Variants in MCM8 observed in about 807,000 individuals in gnomAD.
MCM8 encodes DNA helicase MCM8.
In MCM8, 85 loss-of-function variants were observed where a neutral mutation model predicts 98.9. That is an observed-to-expected ratio of 0.86 (90% CI 0.72 to 1.03). MCM8 has a LOEUF of 1.03. MCM8 is among the 50% of genes least tolerant of loss of function. The pLI, the probability that MCM8 is intolerant of heterozygous loss-of-function variation, is 0.00. For missense variants in MCM8, 951 were observed against 997.8 expected, an observed-to-expected ratio of 0.95 and a Z score of 0.63; for synonymous variants, 352 against 338.6, an observed-to-expected ratio of 1.04 and a Z score of -0.44.
intron 2 of MCM8, 86 bp downstream of exon 2, chr20:5,952,249 A>G (rs2088850754): frequency 2.5e-6 from 4 of 1,572,520 alleles, no homozygotes; most frequent in African/African-American, 2.7e-5. Context: ...CTCATACTTC[A>G]GTTTGTCTTT....
intron 9 of MCM8, 27 bp from the exon 10 acceptor site, chr20:5,967,803 A>AT (rs747989943): frequency 1.9e-6 from 3 of 1,551,900 alleles, no homozygotes; most frequent in Non-Finnish European, 2.6e-6. Flanking sequence ...AATACCAACT[A>AT]TTGTATTTAA....
In MCM8 at chr20:5,993,523, CTGA is replaced by C. The variant is rs766497708; in HGVS notation, c.2262_2264del (p.Asp754del). 13 of 1,574,242 alleles carry C rather than the reference CTGA, an allele frequency of 8.3e-6. No individual in the cohort carries two copies. The highest frequency in any genetic ancestry group is 8.6e-7 in the Non-Finnish European group (1 of 1,156,126). On this transcript the variant is annotated inframe_deletion, in exon 18 of 19. Transcript: ENST00000610722. ...TTTTTAAGCATGCTAGGAACTTACT[CTGA>C]TGAATTTGGGAACCTAGATTTTGAG...
chr20:5,987,292 G>C lies in MCM8; in HGVS notation c.2174G>C (p.Arg725Thr), dbSNP rs1382104031. 3.1e-6 allele frequency: 5 copies of C among 1,613,026 alleles called. No homozygotes were observed. The highest frequency in any genetic ancestry group is 1.3e-5 in the African/African-American group (1 of 74,830). ...TGTTTTCTTTTAAAGGCACGAGCAAGGTTGGAATTGAGAGAGGAAGCAACC... is the reference window on the plus strand; with the variant it reads ...TGTTTTCTTTTAAAGGCACGAGCAACGTTGGAATTGAGAGAGGAAGCAACC... The part of the protein sequence containing the change: ...SLIRLTEARA[R>T]LELREEATKE... Residue 725 changes from arginine to threonine, a missense_variant, in exon 17 of 19, where the codon AGG (arginine) becomes ACG (threonine). By Grantham distance (71) the Arg-to-Thr change is moderately conservative. Transcript: ENST00000610722.
chr20:5,983,039 A>G lies in MCM8; in HGVS notation c.1607A>G (p.Gln536Arg), dbSNP rs2122794853. ...CAAGCCTTGTTGGAAGCCATGGAGC[A>G]GCAAAGTATTAGTCTTGCTAAGGCT... Reference protein sequence around the residue: ...QHQALLEAMEQQSISLAKAGV... With the variant: ...QHQALLEAMERQSISLAKAGV... Residue 536 changes from glutamine (Q) to arginine (R), a missense_variant, in exon 14 of 19, where the codon CAG (glutamine) becomes CGG (arginine). Transcript: ENST00000610722. 1.2e-6 allele frequency: 2 copies of G among 1,614,068 alleles called. No individual in the cohort carries two copies. The highest frequency in any genetic ancestry group is 4.5e-5 in the East Asian group (2 of 44,864).
intron 18 of MCM8, chr20:5,993,972 G>GA (rs2089905824): frequency 2.9e-6 from 1 of 350,542 alleles, no homozygotes; most frequent in African/African-American, 2.1e-5. Flanking sequence ...AAGTTCTCGT[G>GA]AAAATCAATG....
intron 12 of MCM8, among the ~76,000 whole-genome samples, chr20:5,976,827 C>T (rs569790764): frequency 3.1e-4 from 47 of 152,210 alleles, no homozygotes; most frequent in African/African-American, 8.4e-4. Flanking sequence ...GAGAGTCACT[C>T]GGGTTAAAAC....
At chr20:5,975,888 G>A (rs993991358) in intron 12 of MCM8, among the ~76,000 whole-genome samples, 10 of 151,958 alleles carry the variant, frequency 6.6e-5, no homozygotes, top group Non-Finnish European at 2.9e-5. Flanking sequence ...AGTTACATTG[G>A]CAGTTTTTCT....
At chr20:5,962,599 C>A (rs2089176372) in intron 7 of MCM8, among the ~76,000 whole-genome samples, 2 of 69,042 alleles carry the variant, frequency 2.9e-5, no homozygotes, top group Admixed American at 2.6e-4. Flanking sequence ...TGGTCTCGAT[C>A]TCCCGACCTC....
intron 15 of MCM8, 110 bp from the exon 16 acceptor site, chr20:5,985,812 C>T: frequency 9.4e-7 from 1 of 1,058,842 alleles, no homozygotes; most frequent in Non-Finnish European, 1.4e-6. Flanking sequence ...TCCCAAAGCG[C>T]AGGGATTACA....
intron 17 of MCM8, 99 bp downstream of exon 17, chr20:5,987,457 G>T: frequency 1.2e-6 from 1 of 852,344 alleles, no homozygotes; most frequent in Non-Finnish European, 1.8e-6. Context: ...AGCCCATTGG[G>T]TCACTTATTT....
intron 1 of MCM8, among the ~76,000 whole-genome samples, chr20:5,951,384 C>T (rs749133853): frequency 1.6e-4 from 25 of 152,210 alleles, no homozygotes; most frequent in Admixed American, 6.5e-4. Context: ...TTAACTAAAC[C>T]CCTTTTAAGT....
intron 17 of MCM8, among the ~76,000 whole-genome samples, chr20:5,988,428 C>G (rs1437136847): frequency 6.6e-6 from 1 of 151,656 alleles, no homozygotes. Context: ...TGCCACTGTA[C>G]TCTAGCCTGG....
chr20:5,991,975 C>T (rs541425309), intron 17 of MCM8, among the ~76,000 whole-genome samples: 11 of 152,176 alleles, frequency 7.2e-5, no homozygotes, highest in Non-Finnish European at 1.0e-4. Context: ...AATTCTTAAA[C>T]TGTGACATAG....
intron 10 of MCM8, among the ~76,000 whole-genome samples, chr20:5,968,840 A>C (rs1242722409): frequency 6.6e-6 from 1 of 152,250 alleles, no homozygotes; most frequent in African/African-American, 2.4e-5. Context: ...AGTTCTGTGT[A>C]GGGTGTTGCT....
chr20:5,952,220 A>G (rs1018545897), intron 2 of MCM8, 57 bp downstream of exon 2: 25 of 1,602,564 alleles, frequency 1.6e-5, no homozygotes, highest in Non-Finnish European at 2.0e-5. Context: ...ATTCACGTCT[A>G]TCATACAAGG....
chr20:5,961,212 T>C (rs2089134715), intron 7 of MCM8, among the ~76,000 whole-genome samples: 1 of 152,036 alleles, frequency 6.6e-6, no homozygotes, highest in Non-Finnish European at 1.5e-5. Context: ...CCCCATCTCT[T>C]AAAAAAACAA....
At chr20:5,961,117 T>C (rs375520767) in intron 7 of MCM8, among the ~76,000 whole-genome samples, 2 of 152,224 alleles carry the variant, frequency 1.3e-5, no homozygotes, top group East Asian at 3.8e-4. Context: ...GGCATATGCC[T>C]GTAGTCCCAA....
At chr20:5,976,593 G>C (rs140525362) in intron 12 of MCM8, among the ~76,000 whole-genome samples, 1 of 152,178 alleles carries the variant, frequency 6.6e-6, no homozygotes, top group Non-Finnish European at 1.5e-5. Flanking sequence ...TCCAGGTACC[G>C]GGGCTTAAAC....
intron 17 of MCM8, among the ~76,000 whole-genome samples, chr20:5,992,851 A>T (rs2089880871): frequency 6.6e-6 from 1 of 152,212 alleles, no homozygotes. Context: ...AAATATAGCT[A>T]TCCCATTGTT....
Sources: allele counts gnomAD v4.1 joint callset (sites outside exome capture counted in the v4.1 genomes callset), GRCh38; gene constraint gnomAD v4.1.1; transcripts MANE v1.5; gene names NCBI Gene and HGNC (gene_info 2026-07-23, HGNC 2026-07-21).